Variants in CERT1 observed in about 807,000 individuals in gnomAD.
CERT1 encodes the protein ceramide transfer protein.
A neutral mutation model predicts 87.9 loss-of-function variants in CERT1; 31 were observed. That is an observed-to-expected ratio of 0.35 (90% CI 0.27 to 0.48). The LOEUF (loss-of-function observed/expected upper bound fraction) is 0.48, where lower values mean the gene tolerates loss of function less well. Ranked by LOEUF, CERT1 falls within the 20% of genes least tolerant of loss-of-function variation. CERT1 has a pLI of 0.99. For missense variants in CERT1, 487 were observed against 758.0 expected (o/e 0.64, Z 4.20); for synonymous variants, 289 against 250.9 (o/e 1.15, Z -1.44).
At chr5:75,469,690 T>C (rs1350180736) in intron 2 of CERT1, among the ~76,000 whole-genome samples, 5 of 152,006 alleles carry the variant, frequency 3.3e-5, no homozygotes, top group Non-Finnish European at 2.9e-5. Flanking sequence ...AGAAAACAAT[T>C]AGGAAACAAG....
At chr5:75,453,827 A>T (rs150339349) in intron 3 of CERT1, among the ~76,000 whole-genome samples, 1 of 28 alleles carries the variant, frequency 0.036, no homozygotes, top group Non-Finnish European at 0.05. Flanking sequence ...TATGTATGTG[A>T]GAGAGAGAGA....
intron 14 of CERT1, among the ~76,000 whole-genome samples, chr5:75,383,397 G>A (rs1274591025): frequency 6.6e-6 from 1 of 152,032 alleles, no homozygotes; most frequent in Non-Finnish European, 1.5e-5. Context: ...ACCTTCAGCA[G>A]ATTGTTTTCC....
chr5:75,458,567 T>C (rs1765096754), intron 3 of CERT1, among the ~76,000 whole-genome samples: 1 of 152,162 alleles, frequency 6.6e-6, no homozygotes, highest in South Asian at 2.1e-4. Flanking sequence ...CTTTTTTTTT[T>C]TTGAGATGGA....
intron 16 of CERT1, 113 bp from the exon 17 acceptor site, chr5:75,379,586 ATCT>A (rs1305418379): frequency 1.0e-6 from 1 of 987,054 alleles, no homozygotes; most frequent in African/African-American, 1.7e-5. Flanking sequence ...ACCAATTAGC[ATCT>A]TTTTTTTTTC....
At chr5:75,374,178 C>T, downstream of CERT1, 1 of 399,646 alleles carries the variant, frequency 2.5e-6, no homozygotes. Context: ...TGTCACACAG[C>T]CTTGCTTCAG....
intron 9 of CERT1, 168 bp from the exon 10 acceptor site, chr5:75,400,465 G>GC: frequency 1.9e-6 from 1 of 531,136 alleles, no homozygotes; most frequent in Admixed American, 3.3e-5. Flanking sequence ...CCTGATACTT[G>GC]CCTCAGATAT....
intron 11 of CERT1, among the ~76,000 whole-genome samples, chr5:75,390,211 T>C (rs572366115): frequency 5.5e-4 from 83 of 152,174 alleles, no homozygotes; most frequent in Non-Finnish European, 1.1e-3. Context: ...CAAAGATATA[T>C]ATGTATATGT....
chr5:75,381,282 C>A, intron 15 of CERT1, 81 bp from the exon 16 acceptor site: 1 of 1,483,250 alleles, frequency 6.7e-7, no homozygotes, highest in Non-Finnish European at 9.3e-7. Context: ...TTAGGTTAAC[C>A]AAAATCGTAA....
At chr5:75,466,014 T>A (rs1354086702) in intron 2 of CERT1, among the ~76,000 whole-genome samples, 2 of 152,146 alleles carry the variant, frequency 1.3e-5, no homozygotes, top group Non-Finnish European at 2.9e-5. Context: ...TCCACTCACA[T>A]AGTGGGGAAT....
intron 3 of CERT1, among the ~76,000 whole-genome samples, chr5:75,432,396 T>C (rs1763909173): frequency 6.6e-6 from 1 of 152,186 alleles, no homozygotes; most frequent in African/African-American, 2.4e-5. Flanking sequence ...ATCTGTTATT[T>C]TCTGAATTTG....
In CERT1 at chr5:75,420,458, C is replaced by G. The variant is rs539760111; in HGVS notation, c.596-1034G>C. ...TCCCGGGTTCACACCATTCTCCTGC[C>G]TCAGCCTCCCGAGTAGCTGGGACTA... On this transcript the variant is annotated intron_variant, in intron 5 of 16. Transcript: ENST00000643780. Among the ~76,000 whole-genome samples the G allele has an allele frequency of 8.0e-4, 122 of 151,588 alleles. No individual in the cohort carries two copies. In the Middle Eastern group the frequency reaches 0.01, roughly 13 times the overall value.
chr5:75,466,692 C>T (rs994659864), intron 2 of CERT1, among the ~76,000 whole-genome samples: 1 of 152,138 alleles, frequency 6.6e-6, no homozygotes, highest in Non-Finnish European at 1.5e-5. Context: ...GGTAATGGTA[C>T]AAACACCAGC....
intron 2 of CERT1, among the ~76,000 whole-genome samples, chr5:75,500,299 C>T (rs1235724450): frequency 6.6e-6 from 1 of 152,138 alleles, no homozygotes; most frequent in Non-Finnish European, 1.5e-5. Context: ...TTTCTTATGG[C>T]AACCCTAGCA....
intron 7 of CERT1, among the ~76,000 whole-genome samples, chr5:75,415,134 G>GTA (rs943334833): frequency 7.9e-5 from 12 of 151,756 alleles, no homozygotes; most frequent in South Asian, 6.2e-4. Flanking sequence ...CATATATTAT[G>GTA]TATATATATA....
chr5:75,457,310 C>A (rs1255671778), intron 3 of CERT1, among the ~76,000 whole-genome samples: 2 of 152,134 alleles, frequency 1.3e-5, no homozygotes, highest in African/African-American at 2.4e-5. Context: ...TCATTTATGT[C>A]TTACTACTAC....
chr5:75,511,662 T>C, upstream of CERT1: 8 of 1,514,546 alleles, frequency 5.3e-6, no homozygotes, highest in Non-Finnish European at 7.1e-6. Context: ...CCCCTCCCCT[T>C]CGTCCTCCCA....
At position 75,511,238 on chromosome 5, in the gene CERT1, C is replaced by G; in HGVS notation, c.-31G>C. 1 of 1,609,788 alleles carries G rather than the reference C, an allele frequency of 6.2e-7. No individual in the cohort carries two copies. Among genetic ancestry groups the G allele is most frequent in the Non-Finnish European group, 8.5e-7 (1 of 1,178,382 alleles). On this transcript the variant is annotated 5_prime_UTR_variant, in exon 1 of 17. Transcript: ENST00000643780. ...CTCGACAACCGAGCAGGAGACCGGC[C>G]CCCGCTCCCTCAGCTGCGCCGGAGG...
At chr5:75,395,246 G>A (rs953855400) in intron 11 of CERT1, among the ~76,000 whole-genome samples, 1 of 152,140 alleles carries the variant, frequency 6.6e-6, no homozygotes, top group African/African-American at 2.4e-5. Context: ...AAATAACTGT[G>A]AACAAAATGA....
At chr5:75,504,445 T>C (rs547852828) in intron 2 of CERT1, among the ~76,000 whole-genome samples, 6 of 152,304 alleles carry the variant, frequency 3.9e-5, no homozygotes, top group Admixed American at 1.3e-4. Context: ...TCTAAACTTT[T>C]GTTTTCAAAC....
Sources: gnomAD v4.1 joint callset for allele counts (sites outside exome capture counted in the v4.1 genomes callset) on GRCh38, gnomAD v4.1.1 for gene constraint, MANE v1.5 for transcripts, NCBI Gene and HGNC (gene_info 2026-07-23, HGNC 2026-07-21) for gene names.